Variants in GBE1 observed in about 807,000 individuals in gnomAD.
The protein encoded by GBE1 is 1,4-alpha-glucan branching enzyme 1, also known as 1,4-alpha-glucan-branching enzyme.
Under a neutral mutation model 88.8 loss-of-function variants are expected in GBE1, and 70 were observed. That is an observed-to-expected ratio of 0.79 (90% confidence interval 0.65 to 0.96). The LOEUF (loss-of-function observed/expected upper bound fraction) is 0.96. Ranked by LOEUF, GBE1 falls within the 40% of genes least tolerant of loss-of-function variation. The pLI is 0.00. For synonymous variants in GBE1, 284 were observed against 300.1 expected, an observed-to-expected ratio of 0.95 and a Z score of 0.56; for missense variants, 872 against 871.0, an observed-to-expected ratio of 1.00 and a Z score of -0.01.
At chr3:81,500,694 C>T (rs867051762) in intron 14 of GBE1, among the ~76,000 whole-genome samples, 15 of 152,290 alleles carry the variant, frequency 9.8e-5, no homozygotes, top group South Asian at 6.2e-4. Flanking sequence ...TAAGTTCTCA[C>T]TGAGTAAGTA....
At chr3:81,739,124 C>T (rs115559731) in intron 1 of GBE1, among the ~76,000 whole-genome samples, 5 of 152,162 alleles carry the variant, frequency 3.3e-5, no homozygotes, top group African/African-American at 7.2e-5. Flanking sequence ...ATCTAAACAC[C>T]GCTCAAAGGC....
At chr3:81,516,157 T>C (rs1037800345) in intron 14 of GBE1, among the ~76,000 whole-genome samples, 1 of 151,674 alleles carries the variant, frequency 6.6e-6, no homozygotes, top group African/African-American at 2.4e-5. Flanking sequence ...CTTTCATAAC[T>C]ACTGGGAAGA....
intron 7 of GBE1, among the ~76,000 whole-genome samples, chr3:81,634,400 T>C (rs1704562346): frequency 6.6e-6 from 1 of 152,196 alleles, no homozygotes; most frequent in African/African-American, 2.4e-5. Context: ...CCACTTTATA[T>C]TGTGTATTAA....
chr3:81,520,482 G>C (rs192262018), intron 14 of GBE1, among the ~76,000 whole-genome samples: 7 of 151,648 alleles, frequency 4.6e-5, no homozygotes, highest in Admixed American at 4.6e-4. Flanking sequence ...AAATGCATTA[G>C]AAAGAGCACT....
intron 3 of GBE1, among the ~76,000 whole-genome samples, chr3:81,652,511 C>A (rs1704864745): frequency 6.6e-6 from 1 of 152,170 alleles, no homozygotes; most frequent in African/African-American, 2.4e-5. Context: ...ATTTTAATTT[C>A]TCCATTTTCT....
intron 1 of GBE1, among the ~76,000 whole-genome samples, chr3:81,739,952 G>A (rs995247336): frequency 2.6e-5 from 4 of 152,094 alleles, no homozygotes; most frequent in Non-Finnish European, 5.9e-5. Flanking sequence ...CGGGCCAGGT[G>A]TGATGATCAC....
rs535717953 is a variant in GBE1, at chr3:81,621,819, C to T, written c.992+20962G>A. ...CATATTTCCTCTCACCTGGAATTTC[C>T]AATACCTCTCCCTCATTCACTTTCA... is the stretch of plus-strand genomic sequence containing the variant. On this transcript the variant is annotated intron_variant, in intron 7 of 15. Transcript: ENST00000429644. Among the ~76,000 whole-genome samples the T allele has an allele frequency of 2.6e-5, 4 of 152,256 alleles. No homozygotes were observed. The South Asian group carries it at 8.3e-4, about 32-fold the overall frequency.
chr3:81,515,506 C>T (rs779765438), intron 14 of GBE1, among the ~76,000 whole-genome samples: 1 of 151,352 alleles, frequency 6.6e-6, no homozygotes. Flanking sequence ...CTTGGGCCTC[C>T]GTATTGTCTA....
In GBE1 at chr3:81,641,596, G is replaced by A. The variant is rs1304823814; in HGVS notation, c.992+1185C>T. The stretch of plus-strand genomic sequence containing the variant: ...GAATGATTAATCAGTTTGTACCAGA[G>A]TGAGTCTAGGCCAGGAACCCAGCTA... On this transcript the variant is annotated intron_variant, in intron 7 of 15. Transcript: ENST00000429644. 2.6e-5 allele frequency among the ~76,000 whole-genome samples: 4 copies of A among 152,176 alleles called. No homozygotes were observed. In the East Asian group the frequency reaches 7.7e-4, roughly 29 times the overall value.
intron 12 of GBE1, among the ~76,000 whole-genome samples, chr3:81,548,150 T>A (rs1703232367): frequency 6.6e-6 from 1 of 151,516 alleles, no homozygotes; most frequent in East Asian, 1.9e-4. Flanking sequence ...ATCTTTGGAG[T>A]AATCTGCCTT....
intron 3 of GBE1, among the ~76,000 whole-genome samples, chr3:81,668,218 G>A (rs1191447178): frequency 2.0e-5 from 3 of 152,112 alleles, no homozygotes; most frequent in Admixed American, 6.6e-5. Context: ...CTGTTGTGGG[G>A]TGGGGGTGAA....
At chr3:81,563,396 T>A (rs977679561) in intron 12 of GBE1, among the ~76,000 whole-genome samples, 2 of 151,756 alleles carry the variant, frequency 1.3e-5, no homozygotes, top group African/African-American at 4.8e-5. Context: ...CTCTGTAGAG[T>A]GATGTCAGGA....
At chr3:81,749,246 A>C (rs1706461766) in intron 1 of GBE1, among the ~76,000 whole-genome samples, 1 of 152,172 alleles carries the variant, frequency 6.6e-6, no homozygotes, top group South Asian at 2.1e-4. Context: ...GTACATCCAT[A>C]CAATGGAATA....
intron 1 of GBE1, among the ~76,000 whole-genome samples, chr3:81,755,980 C>G: frequency 6.6e-6 from 1 of 151,870 alleles, no homozygotes; most frequent in East Asian, 1.9e-4. Context: ...CGTACCAAAT[C>G]CAAATTACTT....
intron 12 of GBE1, among the ~76,000 whole-genome samples, chr3:81,574,318 T>C (rs1245089724): frequency 6.6e-6 from 1 of 152,194 alleles, no homozygotes; most frequent in African/African-American, 2.4e-5. Flanking sequence ...ATTTAAATAA[T>C]AGTTAACTAT....
intron 10 of GBE1, 127 bp from the exon 11 acceptor site, chr3:81,581,402 T>G (rs1366287785): frequency 6.8e-6 from 4 of 588,550 alleles, no homozygotes; most frequent in Non-Finnish European, 1.2e-5. Flanking sequence ...TCCACCCATA[T>G]AGCAAAGTTA....
chr3:81,495,411 T>C (rs1032415653), intron 15 of GBE1, among the ~76,000 whole-genome samples: 1 of 151,996 alleles, frequency 6.6e-6, no homozygotes, highest in Non-Finnish European at 1.5e-5. Flanking sequence ...CAAACATCAT[T>C]CAATGAAAAA....
At chr3:81,738,536 T>TA (rs61470574) in intron 1 of GBE1, among the ~76,000 whole-genome samples, 1,865 of 150,792 alleles carry the variant, frequency 0.012, 32 homozygotes, top group African/African-American at 0.031. Flanking sequence ...GTTTTTTTTT[T>TA]AAAAAAAAAG....
intron 12 of GBE1, among the ~76,000 whole-genome samples, chr3:81,568,378 C>T (rs1255907362): frequency 2.6e-5 from 4 of 152,150 alleles, no homozygotes; most frequent in Non-Finnish European, 4.4e-5. Context: ...CAACTTCTGA[C>T]ATCAAGTGAT....
Sources: allele counts gnomAD v4.1 joint callset (sites outside exome capture counted in the v4.1 genomes callset), GRCh38; gene constraint gnomAD v4.1.1; transcripts MANE v1.5; gene names NCBI Gene and HGNC (gene_info 2026-07-23, HGNC 2026-07-21).